FOXP1: variants seen among roughly 807,000 people sequenced by gnomAD.
FOXP1 encodes the protein forkhead box P1.
In FOXP1, 15 loss-of-function variants were observed where a neutral mutation model predicts 98.2. The ratio of observed to expected loss-of-function variants is 0.15; its 90% confidence interval spans 0.10 to 0.24. The LOEUF is 0.24. Among genes scored for constraint, FOXP1 ranks in the 10% least tolerant of loss-of-function variants. The probability of loss-of-function intolerance (pLI) is 1.00; values close to 1 mark genes in which losing one functional copy is unlikely to be tolerated. For missense variants in FOXP1, 633 were observed against 848.5 expected (o/e 0.75, Z 3.15); for synonymous variants, 371 against 314.5 (o/e 1.18, Z -1.90).
intron 11 of FOXP1, among the ~76,000 whole-genome samples, chr3:71,032,521 A>G (rs891300265): frequency 6.6e-6 from 1 of 152,208 alleles, no homozygotes; most frequent in Non-Finnish European, 1.5e-5. Flanking sequence ...ATAGTTTATA[A>G]TATACTTAGG....
At chr3:70,972,193 C>T (rs930319743) in intron 18 of FOXP1, 7 of 1,514,444 alleles carry the variant, frequency 4.6e-6, no homozygotes, top group South Asian at 2.5e-5. Context: ...GGGATAGGAG[C>T]AGCAGCAAAG....
At chr3:71,141,635 G>C (rs761588965) in intron 6 of FOXP1, among the ~76,000 whole-genome samples, 18 of 152,160 alleles carry the variant, frequency 1.2e-4, no homozygotes, top group Non-Finnish European at 2.2e-4. Flanking sequence ...ACTAAGCACA[G>C]TCTAGGCACT....
At chr3:70,981,341 C>A (rs1477642946) in intron 14 of FOXP1, among the ~76,000 whole-genome samples, 1 of 151,922 alleles carries the variant, frequency 6.6e-6, no homozygotes, top group Non-Finnish European at 1.5e-5. Flanking sequence ...CAGAAGAGAG[C>A]AGAGAGGGGG....
rs1362205372 is a variant in FOXP1 at position 71,359,255 on chromosome 3, A to C, written c.-167-11T>G. 2.0e-5 allele frequency: 3 copies of C among 152,218 alleles called. No individual in the cohort carries two copies. The highest frequency in any genetic ancestry group is 7.2e-5 in the African/African-American group (3 of 41,434). The allele number at this position is 152,218 out of a possible 1,614,324, so 9.4% of individuals were successfully genotyped here. On this transcript the variant is annotated splice_polypyrimidine_tract_variant and intron_variant, in intron 3 of 20. Coordinates refer to ENST00000649528, the MANE Select transcript of FOXP1 (RefSeq NM_001349338.3). The stretch of plus-strand genomic sequence containing the variant: ...ACACACAGAGGGAAGCTGAAAGCAA[A>C]AAGAAAAGAAGAGGTTAAGTGAAGG...
chr3:71,328,986 A>AC (rs2076105781), intron 4 of FOXP1, among the ~76,000 whole-genome samples: 1 of 134,588 alleles, frequency 7.4e-6, no homozygotes, highest in African/African-American at 2.6e-5. Flanking sequence ...AAAAAAAAAA[A>AC]AAACAAAAAA....
intron 3 of FOXP1, among the ~76,000 whole-genome samples, chr3:71,432,866 A>C (rs55918739): frequency 0.7 from 96,627 of 138,336 alleles, 34,726 homozygotes; most frequent in Non-Finnish European, 0.78. Flanking sequence ...AAAAAAAAAA[A>C]TTAAAAAAAA....
chr3:70,980,767 GGAA>G (rs1446803125), intron 14 of FOXP1, among the ~76,000 whole-genome samples: 23 of 152,280 alleles, frequency 1.5e-4, no homozygotes, highest in Non-Finnish European at 1.0e-4. Flanking sequence ...GACAAAAACA[GGAA>G]GAAAACAGCT....
chr3:71,262,805 A>C (rs2069287524), intron 5 of FOXP1, among the ~76,000 whole-genome samples: 1 of 152,144 alleles, frequency 6.6e-6, no homozygotes, highest in Non-Finnish European at 1.5e-5. Flanking sequence ...TAGTATTGTG[A>C]CTAGTTTTAG....
chr3:71,265,250 G>A (rs981630973), intron 5 of FOXP1, among the ~76,000 whole-genome samples: 15 of 152,276 alleles, frequency 9.9e-5, no homozygotes, highest in Middle Eastern at 6.8e-3. Context: ...CCGTGTTAGC[G>A]TTGTTCTAGG....
At chr3:71,324,940 C>T (rs1173104013) in intron 4 of FOXP1, among the ~76,000 whole-genome samples, 1 of 152,208 alleles carries the variant, frequency 6.6e-6, no homozygotes, top group East Asian at 1.9e-4. Context: ...AAGGGGGCAC[C>T]CCAGCCATGA....
At chr3:71,522,533 T>C (rs980926314) in intron 2 of FOXP1, among the ~76,000 whole-genome samples, 1 of 152,202 alleles carries the variant, frequency 6.6e-6, no homozygotes, top group African/African-American at 2.4e-5. Context: ...CAGCGTCTTC[T>C]TTCTTAAAAG....
chr3:71,518,500 T>C (rs2042739170), intron 2 of FOXP1, among the ~76,000 whole-genome samples: 1 of 152,254 alleles, frequency 6.6e-6, no homozygotes, highest in Admixed American at 6.5e-5. Flanking sequence ...TTTCTCCCTC[T>C]TTTGTGAACA....
intron 6 of FOXP1, among the ~76,000 whole-genome samples, chr3:71,170,757 G>A (rs751142504): frequency 2.2e-4 from 34 of 152,100 alleles, no homozygotes; most frequent in Non-Finnish European, 3.7e-4. Flanking sequence ...CTCCCAGAAC[G>A]ACCACTAATT....
At chr3:71,435,759 G>A (rs140412159) in intron 3 of FOXP1, among the ~76,000 whole-genome samples, 20 of 19,000 alleles carry the variant, frequency 1.1e-3, no homozygotes, top group Non-Finnish European at 1.3e-3. Flanking sequence ...GAGGGAGGGA[G>A]GAAGGGACGG....
intron 11 of FOXP1, among the ~76,000 whole-genome samples, chr3:71,018,146 C>T (rs1475992899): frequency 6.6e-6 from 1 of 152,152 alleles, no homozygotes; most frequent in African/African-American, 2.4e-5. Flanking sequence ...GAATTTAACA[C>T]GATGTTTGCT....
chr3:71,032,219 G>A (rs1052840395), intron 11 of FOXP1, among the ~76,000 whole-genome samples: 3 of 152,252 alleles, frequency 2.0e-5, no homozygotes, highest in African/African-American at 7.2e-5. Context: ...AACTCTTGGC[G>A]ACATGTGCCC....
intron 5 of FOXP1, among the ~76,000 whole-genome samples, chr3:71,228,777 T>TTAG (rs2066041586): frequency 6.6e-6 from 1 of 152,200 alleles, no homozygotes; most frequent in African/African-American, 2.4e-5. Context: ...ATGTAGCCAA[T>TTAG]TAGTGACTAA....
intron 3 of FOXP1, among the ~76,000 whole-genome samples, chr3:71,480,852 C>T (rs1279074583): frequency 1.3e-5 from 2 of 152,134 alleles, no homozygotes; most frequent in Admixed American, 1.3e-4. Context: ...GCTGGCCACA[C>T]ATATATCGGT....
At chr3:71,080,524 T>G (rs867873924) in intron 7 of FOXP1, among the ~76,000 whole-genome samples, 3 of 152,238 alleles carry the variant, frequency 2.0e-5, no homozygotes, top group Non-Finnish European at 4.4e-5. Context: ...ATGTTTAACT[T>G]TGTCGCATTA....
Sources: allele counts gnomAD v4.1 joint callset (sites outside exome capture counted in the v4.1 genomes callset), GRCh38; gene constraint gnomAD v4.1.1; transcripts MANE v1.5; gene names NCBI Gene and HGNC (gene_info 2026-07-23, HGNC 2026-07-21).